MTMR14: variants seen among roughly 807,000 people sequenced by gnomAD.
MTMR14 encodes phosphatidylinositol-3,5-bisphosphate 3-phosphatase MTMR14.
MTMR14 carries 48 observed loss-of-function variants against 86.3 expected under a neutral mutation model. The observed-to-expected ratio is 0.56, with a 90% confidence interval of 0.44 to 0.71. The LOEUF is 0.71. MTMR14 is among the 30% of genes least tolerant of loss of function. The pLI is 0.00. For missense variants in MTMR14, 780 were observed against 834.6 expected (o/e 0.93, Z 0.81); for synonymous variants, 366 against 326.1 (o/e 1.12, Z -1.32).
In MTMR14 at chr3:9,684,973, T is replaced by G; in HGVS notation, c.1127+9T>G. 1 of 1,613,876 alleles carries G rather than the reference T, an allele frequency of 6.2e-7. No homozygotes were observed. Among genetic ancestry groups the G allele is most frequent in the South Asian group, 1.1e-5 (1 of 91,074 alleles). ...GACTGGTTCCTCTTCGGGTAAGCCT[T>G]TGCAGGAGTTGGGTTTTGGGGCCTT... is the stretch of plus-strand genomic sequence containing the variant. On this transcript the variant is annotated intron_variant, in intron 12 of 18. Coordinates refer to ENST00000296003, the MANE Select transcript of MTMR14 (RefSeq NM_001077525.3).
chr3:9,660,847 T>C lies in MTMR14; in HGVS notation c.309-1420T>C, dbSNP rs140511957. On this transcript the variant is annotated intron_variant, in intron 2 of 18. Transcript: ENST00000296003. ...TTTCCTTCCTTCTACTTGGTTACTC[T>C]GTGTAGCTGGGAAAGCTTCCTGCTC... 4.4e-3 allele frequency among the ~76,000 whole-genome samples: 666 copies of C among 152,332 alleles called. 1 individual carries two copies. The highest frequency in any genetic ancestry group is 0.015 in the African/African-American group (637 of 41,582).
intron 2 of MTMR14, among the ~76,000 whole-genome samples, chr3:9,655,671 C>T (rs964993393): frequency 6.6e-5 from 10 of 150,588 alleles, no homozygotes; most frequent in African/African-American, 2.2e-4. Flanking sequence ...CCACGTTGGT[C>T]AGGCTGGTCT....
intron 3 of MTMR14, among the ~76,000 whole-genome samples, chr3:9,665,675 A>G (rs1393294389): frequency 6.6e-6 from 1 of 152,160 alleles, no homozygotes; most frequent in East Asian, 1.9e-4. Context: ...AACTCAGTTC[A>G]GCATGGTTGG....
chr3:9,672,668 G>T lies in MTMR14; in HGVS notation c.678-17G>T. 6.2e-7 allele frequency: 1 copy of T among 1,611,260 alleles called. No individual in the cohort carries two copies. Among genetic ancestry groups the T allele is most frequent in the Non-Finnish European group, 8.5e-7 (1 of 1,177,400 alleles). On this transcript the variant is annotated splice_polypyrimidine_tract_variant and intron_variant, in intron 6 of 18. Coordinates refer to ENST00000296003, the MANE Select transcript of MTMR14 (RefSeq NM_001077525.3). ...GTGTGTTGCGACACTGTAACACATT[G>T]TATCCTTGTCTTGTAGTGTAACCTC...
At chr3:9,697,308 A>G (rs1429366724) in intron 17 of MTMR14, among the ~76,000 whole-genome samples, 3 of 152,066 alleles carry the variant, frequency 2.0e-5, no homozygotes, top group African/African-American at 4.8e-5. Context: ...GCCAGCAAGT[A>G]TGGGTGACCC....
At chr3:9,695,577 C>G (rs898112572) in intron 17 of MTMR14, among the ~76,000 whole-genome samples, 4 of 152,208 alleles carry the variant, frequency 2.6e-5, no homozygotes, top group Non-Finnish European at 5.9e-5. Context: ...GACCTGGAAT[C>G]CTTGAGGGGA....
rs778543200 is a variant in MTMR14, at chr3:9,697,841, C to T, written c.1744C>T (p.Pro582Ser). ...AGACTCCTCTCTCCCTTTCAGCTTC[C>T]CGGATGAGCTCCCTAACAGTTGTCT... is the stretch of plus-strand genomic sequence containing the variant. ...HTDSSLPFSFPDELPNSCLLA... is the reference protein window; with the variant it reads ...HTDSSLPFSFSDELPNSCLLA... The change falls in exon 18 of 19, where the codon CCG (proline) becomes TCG (serine). Residue 582 changes from proline (P) to serine (S), a missense_variant. Coordinates refer to ENST00000296003, the MANE Select transcript of MTMR14 (RefSeq NM_001077525.3). 2.5e-6 allele frequency: 4 copies of T among 1,614,080 alleles called. No individual in the cohort carries two copies. In the African/African-American group the frequency reaches 4.0e-5, roughly 16 times the overall value.
chr3:9,697,966 G>A (rs748040703), intron 18 of MTMR14, 100 bp downstream of exon 18: 1 of 1,537,900 alleles, frequency 6.5e-7, no homozygotes, highest in Non-Finnish European at 8.9e-7. Context: ...GCGCTCAGGA[G>A]CTGGCCTGGC....
At chr3:9,696,211 T>C (rs1476203810) in intron 17 of MTMR14, among the ~76,000 whole-genome samples, 1 of 152,224 alleles carries the variant, frequency 6.6e-6, no homozygotes, top group Admixed American at 6.5e-5. Flanking sequence ...TAAAAATCTC[T>C]TCTCAGCCGG....
chr3:9,662,410 T>C, intron 3 of MTMR14, 35 bp downstream of exon 3: 2 of 1,563,178 alleles, frequency 1.3e-6, no homozygotes, highest in Non-Finnish European at 1.8e-6. Flanking sequence ...GCTCCACGAC[T>C]CTCTTCTGGG....
At chr3:9,680,698 G>C (rs149487706) in intron 9 of MTMR14, among the ~76,000 whole-genome samples, 4 of 152,212 alleles carry the variant, frequency 2.6e-5, no homozygotes, top group South Asian at 2.1e-4. Context: ...TTAGCCGGGC[G>C]TGGTGGCGGG....
At chr3:9,688,422 A>G (rs542303249) in intron 14 of MTMR14, among the ~76,000 whole-genome samples, 1 of 152,362 alleles carries the variant, frequency 6.6e-6, no homozygotes, top group Admixed American at 6.5e-5. Flanking sequence ...AGCTACAAGC[A>G]TGTTGGGCCA....
chr3:9,677,919 T>C lies in MTMR14; in HGVS notation c.823-65T>C. ...TAGTCACAGCCTCAGGACTGCAAGCTTCCCCATCACCTAAGCCTCCTCTGG... is the reference window on the plus strand; with the variant it reads ...TAGTCACAGCCTCAGGACTGCAAGCCTCCCCATCACCTAAGCCTCCTCTGG... On this transcript the variant is annotated intron_variant, in intron 8 of 18. Transcript: ENST00000296003. This position sits in a 1 kb window ranked among gnomAD's most constrained non-coding sequence, Gnocchi z 4.2. 6.8e-7 allele frequency: 1 copy of C among 1,477,240 alleles called. No individual in the cohort carries two copies. The highest frequency in any genetic ancestry group is 9.4e-7 in the Non-Finnish European group (1 of 1,064,310). The allele number at this position is 1,477,240 out of a possible 1,614,324, so 91.5% of individuals were successfully genotyped here. A position where few individuals can be genotyped will look rare whatever the true frequency, so the allele number is the denominator to read the frequency against.
chr3:9,661,780 T>A (rs2047947498), intron 2 of MTMR14, among the ~76,000 whole-genome samples: 1 of 152,248 alleles, frequency 6.6e-6, no homozygotes, highest in African/African-American at 2.4e-5. Flanking sequence ...TTAATACCTA[T>A]AATTAGCACT....
intron 10 of MTMR14, among the ~76,000 whole-genome samples, chr3:9,684,088 C>G (rs1238968636): frequency 6.6e-6 from 1 of 152,190 alleles, no homozygotes; most frequent in Non-Finnish European, 1.5e-5. Flanking sequence ...ATTAGCACCC[C>G]TCAAAGCACT....
intron 13 of MTMR14, 120 bp downstream of exon 13, chr3:9,685,367 C>G (rs1011499507): frequency 8.1e-7 from 1 of 1,240,574 alleles, no homozygotes; most frequent in Non-Finnish European, 1.2e-6. Flanking sequence ...AGGGATGTGG[C>G]CCCCTGTCAT....
intron 2 of MTMR14, among the ~76,000 whole-genome samples, chr3:9,660,887 C>T (rs2047890891): frequency 1.3e-5 from 2 of 152,190 alleles, no homozygotes; most frequent in South Asian, 2.1e-4. Flanking sequence ...TTTCCTGCCT[C>T]CTGTTTCTGT....
chr3:9,689,874 G>T, intron 16 of MTMR14, 90 bp from the exon 17 acceptor site: 1 of 1,306,934 alleles, frequency 7.7e-7, no homozygotes, highest in Non-Finnish European at 1.1e-6. Context: ...CCCAGTGGAA[G>T]TAAAGCCTAG....
At chr3:9,697,641 C>A in intron 17 of MTMR14, 70 bp from the exon 18 acceptor site, 2 of 1,562,564 alleles carry the variant, frequency 1.3e-6, no homozygotes, top group Admixed American at 1.7e-5. Flanking sequence ...AGTCCCCTAG[C>A]CCCCTCCAGA....
Sources: gnomAD v4.1 joint callset for allele counts (sites outside exome capture counted in the v4.1 genomes callset) on GRCh38, gnomAD v4.1.1 for gene constraint, Gnocchi (gnomAD v3.1) non-coding constraint, MANE v1.5 for transcripts, NCBI Gene and HGNC (gene_info 2026-07-23, HGNC 2026-07-21) for gene names.